The following PMS1 variants were observed in gnomAD, a reference collection of about 807,000 sequenced individuals.
The protein encoded by PMS1 is PMS1 homolog 1, mismatch repair system component.
PMS1 carries 79 observed loss-of-function variants against 93.1 expected under a neutral mutation model. That is an observed-to-expected ratio of 0.85 (90% CI 0.71 to 1.02). The LOEUF (loss-of-function observed/expected upper bound fraction) is 1.02. Ranked by LOEUF, PMS1 falls within the 50% of genes least tolerant of loss-of-function variation. PMS1 has a pLI of 0.00. For synonymous variants in PMS1, 335 were observed against 363.4 expected (o/e 0.92, Z 0.89); for missense variants, 1,064 against 1,085.3 (o/e 0.98, Z 0.28).
intron 5 of PMS1, among the ~76,000 whole-genome samples, chr2:189,833,443 A>T (rs550011226): frequency 1.2e-4 from 19 of 152,068 alleles, no homozygotes; most frequent in Admixed American, 5.9e-4. Flanking sequence ...TTAACTGGGC[A>T]TGGTGGCACG....
At chr2:189,848,017 A>T (rs2054394629) in intron 6 of PMS1, among the ~76,000 whole-genome samples, 1 of 152,166 alleles carries the variant, frequency 6.6e-6, no homozygotes. Context: ...GTTAGCCATG[A>T]TGTGACATGG....
At chr2:189,788,946 T>C (rs1402262966) in intron 1 of PMS1, among the ~76,000 whole-genome samples, 1 of 152,110 alleles carries the variant, frequency 6.6e-6, no homozygotes, top group African/African-American at 2.4e-5. Flanking sequence ...ACAGCACTAA[T>C]TTGTGTGAAT....
At chr2:189,847,327 G>A (rs112555094) in intron 6 of PMS1, among the ~76,000 whole-genome samples, 38 of 151,998 alleles carry the variant, frequency 2.5e-4, no homozygotes, top group African/African-American at 8.4e-4. Context: ...TTATCACTTC[G>A]ATAATTTCTA....
At chr2:189,812,365 G>A (rs1414309651) in intron 4 of PMS1, among the ~76,000 whole-genome samples, 2 of 152,126 alleles carry the variant, frequency 1.3e-5, no homozygotes, top group Non-Finnish European at 2.9e-5. Flanking sequence ...AATGTTTAAA[G>A]AATGAGTACA....
chr2:189,856,366 C>T (rs1012910833), intron 9 of PMS1, among the ~76,000 whole-genome samples: 3 of 151,998 alleles, frequency 2.0e-5, no homozygotes, highest in African/African-American at 7.2e-5. Flanking sequence ...TCATCTATTT[C>T]AGTATGTATC....
At chr2:189,840,106 A>G (rs1354022376) in intron 5 of PMS1, among the ~76,000 whole-genome samples, 1 of 152,238 alleles carries the variant, frequency 6.6e-6, no homozygotes. Flanking sequence ...TTGATTTCAT[A>G]TACTTGTTAA....
intron 9 of PMS1, among the ~76,000 whole-genome samples, chr2:189,863,039 C>T (rs2056184178): frequency 6.6e-6 from 1 of 152,120 alleles, no homozygotes; most frequent in Admixed American, 6.5e-5. Context: ...TGAGTTCTGG[C>T]CACCCTGCTC....
Position 189,864,149 on chromosome 2 carries a change from G to A in PMS1, c.2263G>A (p.Ala755Thr). The A allele has an allele frequency of 6.2e-7, 1 of 1,611,600 alleles. No homozygotes were observed. Among genetic ancestry groups the A allele is most frequent in the East Asian group, 2.2e-5 (1 of 44,832 alleles). ...ATTAAATCCATATAGAGTAGAAGAAGCCCTGCTATTTAAAAGACTTCTTGA... is the reference window on the plus strand; with the variant it reads ...ATTAAATCCATATAGAGTAGAAGAAACCCTGCTATTTAAAAGACTTCTTGA... ...MLLNPYRVEE[A>T]LLFKRLLENH... The change falls in exon 10 of 13, where the codon GCC becomes ACC. Residue 755 changes from alanine to threonine, a missense_variant. Ala to Thr is a moderately conservative substitution (Grantham distance 58). Transcript: ENST00000441310.
intron 3 of PMS1, among the ~76,000 whole-genome samples, chr2:189,800,994 G>A (rs1383784154): frequency 6.6e-6 from 1 of 152,102 alleles, no homozygotes; most frequent in Non-Finnish European, 1.5e-5. Flanking sequence ...GTCCAAAGAA[G>A]TAAAGCATTA....
intron 1 of PMS1, among the ~76,000 whole-genome samples, chr2:189,788,849 G>A (rs947990563): frequency 6.6e-6 from 1 of 152,146 alleles, no homozygotes; most frequent in Non-Finnish European, 1.5e-5. Flanking sequence ...ATGACTGATG[G>A]CTACCATATT....
chr2:189,829,365 C>G (rs570313081), intron 5 of PMS1, among the ~76,000 whole-genome samples: 3 of 152,114 alleles, frequency 2.0e-5, no homozygotes, highest in East Asian at 3.8e-4. Context: ...TACCTGATGC[C>G]TCTCTATCTT....
At chr2:189,799,320 ATG>A (rs1559222542) in intron 3 of PMS1, among the ~76,000 whole-genome samples, 1 of 151,712 alleles carries the variant, frequency 6.6e-6, no homozygotes, top group Admixed American at 6.6e-5. Context: ...CCACATATAG[ATG>A]TGTGTGTGTA....
At chr2:189,873,835 A>G (rs566135228) in intron 12 of PMS1, among the ~76,000 whole-genome samples, 179 bp downstream of exon 12, 4 of 152,194 alleles carry the variant, frequency 2.6e-5, no homozygotes, top group South Asian at 2.1e-4. Context: ...CACAAACCCT[A>G]TTGTGAACTG....
chr2:189,809,780 C>T (rs1458162268), intron 4 of PMS1, among the ~76,000 whole-genome samples: 2 of 151,930 alleles, frequency 1.3e-5, no homozygotes, highest in Non-Finnish European at 1.5e-5. Flanking sequence ...TGCAGTGAGC[C>T]GAGATTGTGC....
chr2:189,796,330 C>T (rs2106235674), intron 3 of PMS1, among the ~76,000 whole-genome samples: 1 of 152,172 alleles, frequency 6.6e-6, no homozygotes, highest in South Asian at 2.1e-4. Flanking sequence ...TGCACTCCCA[C>T]CTAGGCAAGA....
intron 9 of PMS1, among the ~76,000 whole-genome samples, chr2:189,857,666 G>A (rs1054695674): frequency 4.6e-5 from 7 of 151,220 alleles, no homozygotes; most frequent in Non-Finnish European, 8.8e-5. Flanking sequence ...AGGGTTTTCT[G>A]CATATAAGGC....
intron 5 of PMS1, among the ~76,000 whole-genome samples, chr2:189,836,126 C>T (rs1258335585): frequency 6.6e-6 from 1 of 152,152 alleles, no homozygotes; most frequent in Non-Finnish European, 1.5e-5. Flanking sequence ...TGTGTGCAGC[C>T]TACATTTCTC....
chr2:189,843,002 GTA>G (rs932828046), intron 5 of PMS1, among the ~76,000 whole-genome samples: 1 of 136,560 alleles, frequency 7.3e-6, no homozygotes, highest in Non-Finnish European at 1.6e-5. Context: ...ATGTGTGTGT[GTA>G]TATATATATT....
chr2:189,829,263 AAACAT>A (rs1444802873), intron 5 of PMS1, among the ~76,000 whole-genome samples: 1 of 152,194 alleles, frequency 6.6e-6, no homozygotes, highest in African/African-American at 2.4e-5. Context: ...GAAAGTGTGT[AAACAT>A]AACATAAATA....
Sources: allele counts gnomAD v4.1 joint callset (sites outside exome capture counted in the v4.1 genomes callset), GRCh38; gene constraint gnomAD v4.1.1; transcripts MANE v1.5; gene names NCBI Gene and HGNC (gene_info 2026-07-23, HGNC 2026-07-21).